Variants in RABGGTA observed in about 807,000 individuals in gnomAD.
RABGGTA encodes the protein geranylgeranyl transferase type-2 subunit alpha.
A neutral mutation model predicts 83.3 loss-of-function variants in RABGGTA; 69 were observed. The ratio of observed to expected loss-of-function variants is 0.83; its 90% confidence interval spans 0.68 to 1.01. The LOEUF (loss-of-function observed/expected upper bound fraction) is 1.01, where lower values mean the gene tolerates loss of function less well. Among genes scored for constraint, RABGGTA ranks in the 50% least tolerant of loss-of-function variants. The probability of loss-of-function intolerance (pLI) is 0.00; values close to 1 mark genes in which losing one functional copy is unlikely to be tolerated. For missense variants in RABGGTA, 681 were observed against 712.7 expected (o/e 0.96, Z 0.51); for synonymous variants, 310 against 299.8 (o/e 1.03, Z -0.35).
In RABGGTA at chr14:24,267,579, C is replaced by T. The variant is rs1265197808; in HGVS notation, c.1353+81G>A. ...TCTTGATTGGAAGTCCACAAAGGCACCTGAGACTGGGGGCAAAGTCAGGGA... is the reference window on the plus strand; with the variant it reads ...TCTTGATTGGAAGTCCACAAAGGCATCTGAGACTGGGGGCAAAGTCAGGGA... On this transcript the variant is annotated intron_variant, in intron 14 of 16. Coordinates refer to ENST00000216840, the MANE Select transcript of RABGGTA (RefSeq NM_182836.3). 1.4e-5 allele frequency: 16 copies of T among 1,152,308 alleles called. No homozygotes were observed. The Admixed American group carries it at 1.5e-4, about 11-fold the overall frequency. 71.4% of individuals were successfully genotyped at this position (1,152,308 alleles called of 1,614,324 possible).
chr14:24,267,165 T>C (rs2040884590), intron 14 of RABGGTA, among the ~76,000 whole-genome samples: 1 of 151,950 alleles, frequency 6.6e-6, no homozygotes, highest in South Asian at 2.1e-4. Context: ...GGGTGCTGGG[T>C]AAACAAAGAC....
rs780090932 is a variant in RABGGTA at position 24,271,153 on chromosome 14, G to A, written c.-38C>T. On this transcript the variant is annotated 5_prime_UTR_variant, in exon 2 of 17. Transcript: ENST00000216840. ...GGGTTCAAGACAGGGGAAGGGTCCA[G>A]TGGTAGCCCTTGAAGTCTGAGGAGA... 1 of 1,519,228 alleles carries A rather than the reference G, an allele frequency of 6.6e-7. No individual in the cohort carries two copies. Among genetic ancestry groups the A allele is most frequent in the Non-Finnish European group, 8.8e-7 (1 of 1,134,702 alleles). 94.1% of individuals were successfully genotyped at this position (1,519,228 alleles called of 1,614,324 possible). A position where few individuals can be genotyped will look rare whatever the true frequency, so the allele number is the denominator to read the frequency against.
At position 24,270,113 on chromosome 14, in the gene RABGGTA, C is replaced by G; in HGVS notation, c.267G>C (p.Val89=). The change falls in exon 5 of 17, where the codon GTG becomes GTC. Residue 89 remains valine, a synonymous_variant. Coordinates refer to ENST00000216840, the MANE Select transcript of RABGGTA (RefSeq NM_182836.3). The stretch of plus-strand genomic sequence containing the variant: ...TCTCCAGGAAGCCCAGTTCTGCCTT[C>G]ACCAGAGCAGCCAACTCTTCAGGAG... ...QKSPEELAAL[V]KAELGFLESC... The G allele has an allele frequency of 6.2e-7, 1 of 1,608,810 alleles. No homozygotes were observed. The highest frequency in any genetic ancestry group is 8.5e-7 in the Non-Finnish European group (1 of 1,177,712).
At chr14:24,266,187 A>C (rs576912467) in intron 16 of RABGGTA, among the ~76,000 whole-genome samples, 143 of 152,352 alleles carry the variant, frequency 9.4e-4, no homozygotes, top group African/African-American at 3.3e-3. Flanking sequence ...CATAGACCTG[A>C]AGAACAGCTG....
In RABGGTA at chr14:24,267,218, T is replaced by C. The variant is rs150963997; in HGVS notation, c.1354-329A>G. Among the ~76,000 whole-genome samples the C allele has an allele frequency of 1.7e-3, 254 of 152,048 alleles. 1 individual carries two copies. The highest frequency in any genetic ancestry group is 5.9e-3 in the African/African-American group (243 of 41,472). ...TGGTCCTGATGAGGCAGAGATGAGT[T>C]TGGCAGGAATGGAGGTGGGCTGTGG... On this transcript the variant is annotated intron_variant, in intron 14 of 16. Transcript: ENST00000216840.
rs1393460788 is a variant in RABGGTA at position 24,266,896 on chromosome 14, G to A, written c.1354-7C>T. 6.2e-7 allele frequency: 1 copy of A among 1,605,928 alleles called. No individual in the cohort carries two copies. Among genetic ancestry groups the A allele is most frequent in the African/African-American group, 1.3e-5 (1 of 74,712 alleles). On this transcript the variant is annotated splice_polypyrimidine_tract_variant and splice_region_variant and intron_variant, in intron 14 of 16. Coordinates refer to ENST00000216840, the MANE Select transcript of RABGGTA (RefSeq NM_182836.3). ...GGCAGAGCACTGTCAGATCCTGGGG[G>A]GTGAAGGGAGGAAGGAGGTGATGGG...
chr14:24,270,607 C>G, intron 3 of RABGGTA, 149 bp from the exon 4 acceptor site: 6 of 1,192,914 alleles, frequency 5.0e-6, no homozygotes, highest in Non-Finnish European at 7.0e-6. Context: ...CAGGTATTCT[C>G]TCATTTAATC....
Position 24,268,191 on chromosome 14 carries a change from G to C in RABGGTA, c.1066C>G (p.Leu356Val), listed in dbSNP as rs751022237. ...TTDEQLFRCE[L>V]SVEKSTVLQS... ...AGCACTGTGGACTTCTCCACTGACA[G>C]CTCACACCTGAGGGTGGGCAGGGTG... The change falls in exon 12 of 17, where the codon CTG (leucine) becomes GTG (valine). Residue 356 changes from leucine to valine, a missense_variant. Leu to Val is a conservative substitution (Grantham distance 32, BLOSUM62 1). Transcript: ENST00000216840. The C allele has an allele frequency of 8.0e-7, 1 of 1,247,512 alleles. No individual in the cohort carries two copies. Among genetic ancestry groups the C allele is most frequent in the Admixed American group, 1.8e-5 (1 of 56,874 alleles). The allele number at this position is 1,247,512 out of a possible 1,614,324, so 77.3% of individuals were successfully genotyped here. A position where few individuals can be genotyped will look rare whatever the true frequency, so the allele number is the denominator to read the frequency against.
rs758459880 is a variant in RABGGTA, at chr14:24,271,102, A to C, written c.3+11T>G. 6.4e-6 allele frequency: 10 copies of C among 1,558,320 alleles called. No individual in the cohort carries two copies. The highest frequency in any genetic ancestry group is 8.7e-6 in the Non-Finnish European group (10 of 1,151,830). ...CCTGCGGAGGTGAAGGGCTGGGCTCAGGGTTCTCACCATGGTGCCGGCTCA... is the reference window on the plus strand; with the variant it reads ...CCTGCGGAGGTGAAGGGCTGGGCTCCGGGTTCTCACCATGGTGCCGGCTCA... On this transcript the variant is annotated intron_variant, in intron 2 of 16. Transcript: ENST00000216840.
In RABGGTA at chr14:24,267,711, G is replaced by A. The variant is rs777205571; in HGVS notation, c.1302C>T (p.Ser434=). 12 of 1,611,856 alleles carry A rather than the reference G, an allele frequency of 7.4e-6. No homozygotes were observed. Among genetic ancestry groups the A allele is most frequent in the African/African-American group, 5.3e-5 (4 of 74,830 alleles). ...CCTCGGCATACTCCATCTTGAGCAC[G>A]CTATTCTCCAGCAAGAACTTGCTGC... is the stretch of plus-strand genomic sequence containing the variant. ...DLRSKFLLEN[S]VLKMEYAEVR... The change falls in exon 14 of 17, where the codon AGC becomes AGT. Residue 434 remains serine (S), a synonymous_variant. Transcript: ENST00000216840.
chr14:24,268,476 G>A, intron 10 of RABGGTA, 38 bp downstream of exon 10: 2 of 1,613,486 alleles, frequency 1.2e-6, no homozygotes, highest in Non-Finnish European at 1.7e-6. Context: ...AGAGTGATGG[G>A]GGCTGCTGCA....
At position 24,266,881 on chromosome 14, in the gene RABGGTA, T is replaced by G; in HGVS notation, c.1362A>C (p.Thr454=). The G allele has an allele frequency of 6.2e-7, 1 of 1,613,070 alleles. No individual in the cohort carries two copies. Residue 454 remains threonine, a synonymous_variant, in exon 15 of 17, where the codon ACA becomes ACC. Transcript: ENST00000216840. ...RVLHLAHKDL[T]VLCHLEQLLL... ...GCAGCTGTTCCAGATGGCAGAGCAC[T>G]GTCAGATCCTGGGGGGTGAAGGGAG...
At position 24,266,865 on chromosome 14, in the gene RABGGTA, C is replaced by A. The variant is rs1234527664; in HGVS notation, c.1378G>T (p.Glu460Ter). Residue 460 changes from glutamate (E) to a stop codon, truncating the protein, a stop_gained, in exon 15 of 17, where the codon GAA (glutamate) becomes TAA (stop). Transcript: ENST00000216840. LOFTEE classifies it high-confidence loss of function. The part of the protein sequence containing the change: ...HKDLTVLCHL[E>*]QLLLVTHLDL... ...AGATGGGTGACCAAGAGCAGCTGTTCCAGATGGCAGAGCACTGTCAGATCC... is the reference window on the plus strand; with the variant it reads ...AGATGGGTGACCAAGAGCAGCTGTTACAGATGGCAGAGCACTGTCAGATCC... The A allele has an allele frequency of 6.2e-7, 1 of 1,613,814 alleles. No homozygotes were observed. The highest frequency in any genetic ancestry group is 8.5e-7 in the Non-Finnish European group (1 of 1,179,802).
chr14:24,270,174 C>A (rs754557752), intron 4 of RABGGTA, 34 bp from the exon 5 acceptor site: 2 of 1,579,846 alleles, frequency 1.3e-6, no homozygotes, highest in African/African-American at 1.4e-5. Flanking sequence ...GGTCAGGGCT[C>A]TCCTACAGTC....
rs759734789 is a variant in RABGGTA at position 24,268,823 on chromosome 14, C to A, written c.802G>T (p.Gly268Cys). 27 of 1,565,308 alleles carry A rather than the reference C, an allele frequency of 1.7e-5. No homozygotes were observed. The East Asian group carries it at 5.5e-4, about 32-fold the overall frequency. ...AGCAGCAAGATCTCCATCCTGGAGC[C>A]CACCTGGCACAAAGGACAAAGACTT... The part of the protein sequence containing the change: ...TVSFSRPLLV[G>C]SRMEILLLMV... The change falls in exon 9 of 17, where the codon GGC becomes TGC. Residue 268 changes from glycine (G) to cysteine (C), a missense_variant. This residue lies in a region of RABGGTA where 421 missense variants were observed against 418.5 expected (regional missense o/e 1.01). Transcript: ENST00000216840.
At chr14:24,267,494 T>C (rs957055812) in intron 14 of RABGGTA, among the ~76,000 whole-genome samples, 166 bp downstream of exon 14, 2 of 151,748 alleles carry the variant, frequency 1.3e-5, no homozygotes, top group African/African-American at 4.8e-5. Flanking sequence ...AGAAGAAGAA[T>C]GGGCTGAGTG....
At chr14:24,270,187 C>A in intron 4 of RABGGTA, 47 bp from the exon 5 acceptor site, 2 of 1,566,236 alleles carry the variant, frequency 1.3e-6, no homozygotes, top group South Asian at 1.2e-5. Context: ...CTACAGTCAA[C>A]CTCAGCTCAC....
chr14:24,266,419 A>G lies in RABGGTA; in HGVS notation c.1555+11T>C. The G allele has an allele frequency of 3.1e-6, 5 of 1,613,740 alleles. 1 individual carries two copies. In the South Asian group the frequency reaches 5.5e-5, roughly 18 times the overall value. On this transcript the variant is annotated intron_variant, in intron 16 of 16. Transcript: ENST00000216840. Reference sequence around the variant, plus strand: ...ACCCACTGTCTGAAAGGCACCCAGAAGGAAGGATACGGTTGTTGCACAGTA... The same window carrying G: ...ACCCACTGTCTGAAAGGCACCCAGAGGGAAGGATACGGTTGTTGCACAGTA...
chr14:24,265,991 G>A (rs1374785038), intron 16 of RABGGTA, among the ~76,000 whole-genome samples: 1 of 152,148 alleles, frequency 6.6e-6, no homozygotes, highest in Non-Finnish European at 1.5e-5. Flanking sequence ...TATCAGGGGA[G>A]TGGTGCAGGG....
Sources: gnomAD v4.1 joint callset for allele counts (sites outside exome capture counted in the v4.1 genomes callset) on GRCh38, gnomAD v4.1.1 for gene constraint, gnomAD v4.1.1 regional missense constraint, MANE v1.5 for transcripts, NCBI Gene and HGNC (gene_info 2026-07-23, HGNC 2026-07-21) for gene names.